NCAM1: variants seen among roughly 807,000 people sequenced by gnomAD.
The protein encoded by NCAM1 is antigen recognized by monoclonal antibody 5.1H11.
NCAM1 carries 14 observed loss-of-function variants against 109.8 expected under a neutral mutation model. That is an observed-to-expected ratio of 0.13 (90% CI 0.08 to 0.20). The LOEUF is 0.20. NCAM1 is among the 10% of genes least tolerant of loss of function. The probability of loss-of-function intolerance (pLI) is 1.00; values close to 1 mark genes in which losing one functional copy is unlikely to be tolerated. For missense variants in NCAM1, 774 were observed against 1,109.9 expected, an observed-to-expected ratio of 0.70 and a Z score of 4.30; for synonymous variants, 418 against 442.9, an observed-to-expected ratio of 0.94 and a Z score of 0.70.
intron 1 of NCAM1, among the ~76,000 whole-genome samples, chr11:113,156,582 G>A (rs557679541): frequency 8.5e-5 from 13 of 152,234 alleles, no homozygotes; most frequent in East Asian, 1.9e-4. Flanking sequence ...TTGTCATGAC[G>A]TGGGCAAGAA....
intron 1 of NCAM1, among the ~76,000 whole-genome samples, chr11:113,079,092 A>C (rs1938666821): frequency 6.6e-6 from 1 of 152,156 alleles, no homozygotes; most frequent in Non-Finnish European, 1.5e-5. Context: ...GTGGCCTCTG[A>C]AAAAGACCAG....
intron 1 of NCAM1, among the ~76,000 whole-genome samples, chr11:112,998,974 C>T (rs1951672955): frequency 6.6e-6 from 1 of 152,018 alleles, no homozygotes; most frequent in Non-Finnish European, 1.5e-5. Flanking sequence ...TGGACTGAGC[C>T]AAAAATAAAA....
At chr11:113,020,063 GATCCTCCA>G (rs1555075953) in intron 1 of NCAM1, among the ~76,000 whole-genome samples, 3 of 152,094 alleles carry the variant, frequency 2.0e-5, no homozygotes, top group African/African-American at 7.2e-5. Flanking sequence ...GCTTCTCAAG[GATCCTCCA>G]AGTCCTTTGG....
chr11:113,051,575 TTTTG>T (rs1256907901), intron 1 of NCAM1, among the ~76,000 whole-genome samples: 3 of 152,216 alleles, frequency 2.0e-5, no homozygotes, highest in East Asian at 1.9e-4. Flanking sequence ...CCTTCACGTC[TTTTG>T]TTTATGTACA....
At chr11:113,206,214 T>C (rs1944234027) in intron 5 of NCAM1, 34 bp downstream of exon 5, 1 of 1,563,160 alleles carries the variant, frequency 6.4e-7, no homozygotes. Flanking sequence ...ATCTCTGCAT[T>C]GCTACAACCT....
At chr11:112,973,695 T>C (rs1208966770) in intron 1 of NCAM1, among the ~76,000 whole-genome samples, 1 of 152,112 alleles carries the variant, frequency 6.6e-6, no homozygotes, top group Non-Finnish European at 1.5e-5. Flanking sequence ...GTCTGGCACA[T>C]AGTGAGCTCA....
At chr11:112,968,623 G>A (rs1950789128) in intron 1 of NCAM1, among the ~76,000 whole-genome samples, 2 of 152,178 alleles carry the variant, frequency 1.3e-5, no homozygotes, top group Admixed American at 1.3e-4. Context: ...TTTTCATGGA[G>A]TTTCCAGTCT....
At chr11:113,229,179 A>C (rs1320182348) in intron 9 of NCAM1, among the ~76,000 whole-genome samples, 1 of 152,174 alleles carries the variant, frequency 6.6e-6, no homozygotes, top group African/African-American at 2.4e-5. Context: ...TTTGCAATCT[A>C]CTCATCTGAC....
chr11:113,260,083 C>G (rs1022228246), intron 16 of NCAM1, 63 bp from the exon 17 acceptor site: 1 of 1,476,980 alleles, frequency 6.8e-7, no homozygotes, highest in African/African-American at 1.4e-5. Context: ...TCTGGTCTTA[C>G]CAGTACTTTT....
rs144054525 is a variant in NCAM1, at chr11:113,012,251, T to C, written c.52+50587T>C. ...CCAGGCTGGTCTTGAACTCCTGGCC[T>C]CAAGTGATCTGCCTGCCTTGGCCTC... On this transcript the variant is annotated intron_variant, in intron 1 of 19. Coordinates refer to ENST00000316851, the MANE Select transcript of NCAM1 (RefSeq NM_181351.5). Among the ~76,000 whole-genome samples, 205 of 152,268 alleles carry C rather than the reference T, an allele frequency of 1.3e-3. 2 individuals carry two copies. Among genetic ancestry groups the C allele is most frequent in the African/African-American group, 4.8e-3 (200 of 41,544 alleles).
chr11:113,166,113 G>A (rs1400399283), intron 1 of NCAM1, among the ~76,000 whole-genome samples: 3 of 152,138 alleles, frequency 2.0e-5, no homozygotes, highest in Non-Finnish European at 4.4e-5. Context: ...TTACAGGCGT[G>A]AGCCACCGCG....
chr11:113,039,568 T>A (rs1953004259), intron 1 of NCAM1, among the ~76,000 whole-genome samples: 1 of 152,224 alleles, frequency 6.6e-6, no homozygotes, highest in East Asian at 1.9e-4. Context: ...TCATTTGCTG[T>A]CTAAGTTCTG....
At chr11:113,024,416 A>G (rs782387046) in intron 1 of NCAM1, among the ~76,000 whole-genome samples, 3 of 152,070 alleles carry the variant, frequency 2.0e-5, no homozygotes, top group Non-Finnish European at 2.9e-5. Context: ...GTCTCCTCTC[A>G]ATTCATTGTT....
rs148896551 is a variant in NCAM1 at position 113,093,232 on chromosome 11, G to A, written c.53-109147G>A. Among the ~76,000 whole-genome samples, 259 of 152,296 alleles carry A rather than the reference G, an allele frequency of 1.7e-3. 1 individual carries two copies. Among genetic ancestry groups the A allele is most frequent in the African/African-American group, 6.0e-3 (248 of 41,580 alleles). ...GCACCCTAGCTCCCAGATGGAGGCC[G>A]TAAGGTCAAGCAGCCAGCATGGAGC... is the stretch of plus-strand genomic sequence containing the variant. On this transcript the variant is annotated intron_variant, in intron 1 of 19. Transcript: ENST00000316851.
intron 8 of NCAM1, among the ~76,000 whole-genome samples, chr11:113,215,081 G>T (rs531068061): frequency 4.6e-5 from 7 of 152,266 alleles, no homozygotes; most frequent in African/African-American, 1.7e-4. Context: ...TTACATCCTG[G>T]TTTTTCAATA....
At chr11:113,081,040 C>T (rs1237087957) in intron 1 of NCAM1, among the ~76,000 whole-genome samples, 2 of 152,232 alleles carry the variant, frequency 1.3e-5, no homozygotes, top group African/African-American at 4.8e-5. Context: ...TTATAAATCA[C>T]TTTCACATAT....
Position 113,235,345 on chromosome 11 carries a change from C to T in NCAM1, c.1825+181C>T, listed in dbSNP as rs781913342. 34 of 1,286,236 alleles carry T rather than the reference C, an allele frequency of 2.6e-5. No individual in the cohort carries two copies. The East Asian group carries it at 7.7e-4, about 29-fold the overall frequency. The allele number at this position is 1,286,236 out of a possible 1,614,324, so 79.7% of individuals were successfully genotyped here. ...TCTCAGTGACAGCTAACACACAGTC[C>T]CTTCATTCTCTCTTTCTCCAAGGGG... On this transcript the variant is annotated intron_variant, in intron 14 of 19. Transcript: ENST00000316851.
chr11:113,000,051 G>T (rs1555072132), intron 1 of NCAM1, among the ~76,000 whole-genome samples: 1 of 152,102 alleles, frequency 6.6e-6, no homozygotes, highest in East Asian at 1.9e-4. Flanking sequence ...GAAAGAGTGT[G>T]CATCCTGGAG....
intron 1 of NCAM1, among the ~76,000 whole-genome samples, chr11:113,123,584 C>T (rs1359031767): frequency 6.6e-6 from 1 of 152,198 alleles, no homozygotes; most frequent in Admixed American, 6.5e-5. Flanking sequence ...GATGTGCCTG[C>T]TTCTGTGGTA....
Sources: gnomAD v4.1 joint callset for allele counts (sites outside exome capture counted in the v4.1 genomes callset) on GRCh38, gnomAD v4.1.1 for gene constraint, MANE v1.5 for transcripts, NCBI Gene and HGNC (gene_info 2026-07-23, HGNC 2026-07-21) for gene names.